The following ZNF714 variants were observed in gnomAD, a reference collection of about 807,000 sequenced individuals.
ZNF714 encodes zinc finger protein 714.
In ZNF714, 32 loss-of-function variants were observed where a neutral mutation model predicts 46.2. The ratio of observed to expected loss-of-function variants is 0.69; its 90% CI spans 0.52 to 0.93. The LOEUF is 0.93. ZNF714 is among the 40% of genes least tolerant of loss of function. The pLI is 0.00. For synonymous variants in ZNF714, 199 were observed against 213.1 expected, an observed-to-expected ratio of 0.93 and a Z score of 0.58; for missense variants, 635 against 646.3, an observed-to-expected ratio of 0.98 and a Z score of 0.19.
At chr19:21,098,111 C>T in intron 2 of ZNF714, 74 bp from the exon 3 acceptor site, 2 of 1,524,358 alleles carry the variant, frequency 1.3e-6, no homozygotes, top group East Asian at 2.3e-5. Flanking sequence ...CTCATTTCAC[C>T]TTAATTCAAA....
chr19:21,104,550 T>C (rs1041524764), intron 4 of ZNF714, among the ~76,000 whole-genome samples: 1 of 150,436 alleles, frequency 6.6e-6, no homozygotes, highest in Non-Finnish European at 1.5e-5. Flanking sequence ...TAAAAAAAGG[T>C]ATAGTGGCCA....
At position 21,116,907 on chromosome 19, in the gene ZNF714, G is replaced by T. The variant is rs1056446507; in HGVS notation, c.243G>T (p.Glu81Asp). The T allele has an allele frequency of 1.2e-6, 2 of 1,613,788 alleles. No individual in the cohort carries two copies. The highest frequency in any genetic ancestry group is 2.7e-5 in the African/African-American group (2 of 74,908). ...GAAGACATGGCAAATGTGAACATGA[G>T]AATTTACAGTTAAGAAAAGGCTCCG... ...ILRRHGKCEH[E>D]NLQLRKGSAN... is the part of the protein sequence containing the mutation. Residue 81 changes from glutamate to aspartate, a missense_variant, in exon 5 of 5, where the codon GAG (glutamate) becomes GAT (aspartate). Transcript: ENST00000456283.
At chr19:21,084,175 A>G (rs541328493) in intron 2 of ZNF714, 106 bp downstream of exon 2, 4 of 333,630 alleles carry the variant, frequency 1.2e-5, no homozygotes, top group Non-Finnish European at 1.7e-5. Flanking sequence ...AAGAAAAAAT[A>G]GTGTTAAAAA....
chr19:21,117,077 G>C lies in ZNF714; in HGVS notation c.413G>C (p.Arg138Thr). ...TTCAATTCAAATAGACACAAGACAA[G>C]ACATACTGGAGAGAAACCTTTCAAA... Reference protein sequence around the residue: ...KIFNSNRHKTRHTGEKPFKCK... With the variant: ...KIFNSNRHKTTHTGEKPFKCK... The change falls in exon 5 of 5, where the codon AGA (arginine) becomes ACA (threonine). Residue 138 changes from arginine (R) to threonine (T), a missense_variant. Physicochemically the swap from Arg to Thr is moderately conservative, Grantham distance 71. Coordinates refer to ENST00000456283, the MANE Select transcript of ZNF714 (RefSeq NM_182515.4). The C allele has an allele frequency of 6.2e-7, 1 of 1,613,344 alleles. No homozygotes were observed. Among genetic ancestry groups the C allele is most frequent in the Non-Finnish European group, 8.5e-7 (1 of 1,179,582 alleles).
chr19:21,104,560 A>G (rs1317608618), intron 4 of ZNF714, among the ~76,000 whole-genome samples: 3 of 151,882 alleles, frequency 2.0e-5, no homozygotes, highest in Non-Finnish European at 4.4e-5. Flanking sequence ...TATAGTGGCC[A>G]TTGTAATGAG....
Position 21,098,255 on chromosome 19 carries a change from A to C in ZNF714, c.-14A>C. ...GAGTGGGAATGCCTGAACCCTGCTCAGCAGAATTTATATATGAATGTGATG... is the reference window on the plus strand; with the variant it reads ...GAGTGGGAATGCCTGAACCCTGCTCCGCAGAATTTATATATGAATGTGATG... On this transcript the variant is annotated 5_prime_UTR_variant, in exon 3 of 5. Transcript: ENST00000456283. The C allele has an allele frequency of 6.2e-7, 1 of 1,612,788 alleles. No individual in the cohort carries two copies. Among genetic ancestry groups the C allele is most frequent in the South Asian group, 1.1e-5 (1 of 90,610 alleles).
intron 2 of ZNF714, among the ~76,000 whole-genome samples, chr19:21,087,240 A>AAAAAAAC (rs1568272201): frequency 6.6e-6 from 1 of 151,776 alleles, no homozygotes. Context: ...AAAAAAAAAA[A>AAAAAAAC]AAAAAACATG....
chr19:21,116,303 C>T (rs1189603631), intron 4 of ZNF714, among the ~76,000 whole-genome samples: 1 of 152,122 alleles, frequency 6.6e-6, no homozygotes, highest in African/African-American at 2.4e-5. Flanking sequence ...GCTGCTGTAA[C>T]AATTACCTTT....
chr19:21,104,139 C>A (rs1026454571), intron 4 of ZNF714, among the ~76,000 whole-genome samples: 4 of 152,020 alleles, frequency 2.6e-5, no homozygotes, highest in African/African-American at 9.7e-5. Flanking sequence ...GGGCTTATTT[C>A]CCATGACATA....
At chr19:21,114,025 A>G (rs1230123835) in intron 4 of ZNF714, among the ~76,000 whole-genome samples, 1 of 152,182 alleles carries the variant, frequency 6.6e-6, no homozygotes, top group Non-Finnish European at 1.5e-5. Flanking sequence ...GTCTCTTTAT[A>G]GTTCTCTAAG....
At chr19:21,083,872 G>C (rs1180521924) in intron 1 of ZNF714, 106 bp from the exon 2 acceptor site, 2 of 426,464 alleles carry the variant, frequency 4.7e-6, no homozygotes, top group Non-Finnish European at 7.3e-6. Flanking sequence ...GTTTTTTTCT[G>C]GTCGTGGGTT....
At chr19:21,095,967 CTA>C (rs926967173) in intron 2 of ZNF714, among the ~76,000 whole-genome samples, 4 of 152,100 alleles carry the variant, frequency 2.6e-5, no homozygotes, top group Non-Finnish European at 4.4e-5. Flanking sequence ...TCATATGACT[CTA>C]TGGTGAGGCC....
At chr19:21,098,158 G>T (rs761254838) in intron 2 of ZNF714, 27 bp from the exon 3 acceptor site, 202 of 1,586,312 alleles carry the variant, frequency 1.3e-4, no homozygotes, top group Non-Finnish European at 1.5e-4. Context: ...GTAAATATAC[G>T]TGTGTCTGTG....
Position 21,084,053 on chromosome 19 carries a change from A to G in ZNF714, c.-101A>G. 8.5e-7 allele frequency: 1 copy of G among 1,183,084 alleles called. No individual in the cohort carries two copies. The highest frequency in any genetic ancestry group is 1.9e-5 in the South Asian group (1 of 52,502). 73.3% of individuals were successfully genotyped at this position (1,183,084 alleles called of 1,614,324 possible). ...GGGGCAGAGAGGAAGCTTCTAGTGT[A>G]CTCTTACTTTGAAAAGGTAATCAGA... On this transcript the variant is annotated 5_prime_UTR_variant, in exon 2 of 5. Transcript: ENST00000456283.
Position 21,082,273 on chromosome 19 carries a change from C to G in ZNF714, c.-252C>G. ...GTGTCCTCTGCTCGCAGAGGCCCAG[C>G]CTCTGTGGCCCTGTGACCTGCAGGT... On this transcript the variant is annotated 5_prime_UTR_variant, in exon 1 of 5. Coordinates refer to ENST00000456283, the MANE Select transcript of ZNF714 (RefSeq NM_182515.4). 12 of 1,409,646 alleles carry G rather than the reference C, an allele frequency of 8.5e-6. No individual in the cohort carries two copies. Among genetic ancestry groups the G allele is most frequent in the Non-Finnish European group, 1.2e-5 (12 of 1,041,240 alleles). 87.3% of individuals were successfully genotyped at this position (1,409,646 alleles called of 1,614,324 possible).
chr19:21,102,807 T>A (rs1307597290), intron 4 of ZNF714, among the ~76,000 whole-genome samples: 2 of 152,204 alleles, frequency 1.3e-5, no homozygotes, highest in South Asian at 4.1e-4. Context: ...TCTCTTACTG[T>A]TGTGCAGTTT....
In ZNF714 at chr19:21,123,597, C is replaced by G. The variant is rs571012679; in HGVS notation, c.*5265C>G. 2.8e-4 allele frequency among the ~76,000 whole-genome samples: 42 copies of G among 152,168 alleles called. No individual in the cohort carries two copies. The South Asian group carries it at 8.7e-3, about 32-fold the overall frequency. On this transcript the variant is annotated 3_prime_UTR_variant, in exon 5 of 5. Transcript: ENST00000456283. The stretch of plus-strand genomic sequence containing the variant: ...GTCTCAATCTCCTGACCTCGTGATC[C>G]GCCCGCCTCGACCTCCCAAAGTGGT...
chr19:21,112,816 ATTTT>A (rs74172391), intron 4 of ZNF714, among the ~76,000 whole-genome samples: 20 of 43,216 alleles, frequency 4.6e-4, no homozygotes, highest in East Asian at 1.9e-3. Flanking sequence ...TTTATTTCTG[ATTTT>A]TTTTTTTTTT....
chr19:21,118,395 T>A lies in ZNF714; in HGVS notation c.*63T>A. ...TGAACCTGGGAGGCAGAGGTTGCAG[T>A]GAGCCAAGATCGCGCCATTCTACTC... On this transcript the variant is annotated 3_prime_UTR_variant, in exon 5 of 5. Transcript: ENST00000456283. 1.7e-6 allele frequency: 1 copy of A among 573,586 alleles called. No individual in the cohort carries two copies. The highest frequency in any genetic ancestry group is 3.0e-6 in the Non-Finnish European group (1 of 329,122). The allele number at this position is 573,586 out of a possible 1,614,324, so 35.5% of individuals were successfully genotyped here.
Sources: gnomAD v4.1 joint callset for allele counts (sites outside exome capture counted in the v4.1 genomes callset) on GRCh38, gnomAD v4.1.1 for gene constraint, MANE v1.5 for transcripts, NCBI Gene and HGNC (gene_info 2026-07-23, HGNC 2026-07-21) for gene names.